The following CHKA variants were observed in gnomAD, a reference collection of about 807,000 sequenced individuals.
CHKA encodes CHETK-alpha.
CHKA carries 34 observed loss-of-function variants against 60.1 expected under a neutral mutation model. That is an observed-to-expected ratio of 0.57 (90% confidence interval 0.43 to 0.75). The LOEUF is 0.75. Among genes scored for constraint, CHKA ranks in the 30% least tolerant of loss-of-function variants. The pLI is 0.00. For synonymous variants in CHKA, 217 were observed against 223.1 expected, an observed-to-expected ratio of 0.97 and a Z score of 0.24; for missense variants, 563 against 561.3, an observed-to-expected ratio of 1.00 and a Z score of -0.03.
chr11:68,118,516 A>G (rs1463775174), intron 1 of CHKA, among the ~76,000 whole-genome samples: 1 of 152,202 alleles, frequency 6.6e-6, no homozygotes, highest in Non-Finnish European at 1.5e-5. Context: ...AATAACTGCA[A>G]CTGCCTATGG....
At chr11:68,071,227 T>C (rs77990925) in intron 4 of CHKA, among the ~76,000 whole-genome samples, 7,398 of 152,298 alleles carry the variant, frequency 0.049, 216 homozygotes, top group African/African-American at 0.082. Context: ...GTTTATCACA[T>C]GGCCCCACTT....
chr11:68,112,705 G>A (rs375584211), intron 1 of CHKA, among the ~76,000 whole-genome samples: 47 of 152,248 alleles, frequency 3.1e-4, no homozygotes, highest in East Asian at 2.9e-3. Flanking sequence ...ATTTGCAAAA[G>A]ACACATTTGA....
chr11:68,071,975 T>C (rs948911750), intron 4 of CHKA, among the ~76,000 whole-genome samples: 1 of 152,188 alleles, frequency 6.6e-6, no homozygotes, highest in Non-Finnish European at 1.5e-5. Flanking sequence ...ATTACCATGC[T>C]GCAATAAGAA....
At chr11:68,076,926 G>A (rs1174489159) in intron 3 of CHKA, among the ~76,000 whole-genome samples, 8 of 152,160 alleles carry the variant, frequency 5.3e-5, no homozygotes, top group Non-Finnish European at 8.8e-5. Flanking sequence ...ATGGTGTATG[G>A]AGAGAAGGAT....
rs1290550740 is a variant in CHKA at position 68,053,708 on chromosome 11, T to G, written c.*280A>C. 2.9e-6 allele frequency: 1 copy of G among 342,616 alleles called. No individual in the cohort carries two copies. Among genetic ancestry groups the G allele is most frequent in the Non-Finnish European group, 5.3e-6 (1 of 187,250 alleles). 21.2% of individuals were successfully genotyped at this position (342,616 alleles called of 1,614,324 possible). On this transcript the variant is annotated 3_prime_UTR_variant, in exon 12 of 12. Coordinates refer to ENST00000265689, the MANE Select transcript of CHKA (RefSeq NM_001277.3). ...GACTGGAAACCTTAGCCCCCAAATA[T>G]GAAATGCCTTCTCTAGATTAAAAGG...
intron 1 of CHKA, among the ~76,000 whole-genome samples, chr11:68,104,833 A>G (rs1227915774): frequency 1.3e-5 from 2 of 152,106 alleles, no homozygotes; most frequent in African/African-American, 2.4e-5. Flanking sequence ...GGCCGGGCAC[A>G]GTGGCTCACG....
intron 4 of CHKA, among the ~76,000 whole-genome samples, chr11:68,074,459 T>G (rs1207535991): frequency 6.6e-6 from 1 of 152,184 alleles, no homozygotes; most frequent in Non-Finnish European, 1.5e-5. Context: ...AGTCTCAGGG[T>G]ACACAGCCTC....
At chr11:68,087,447 A>T (rs188536043) in intron 2 of CHKA, among the ~76,000 whole-genome samples, 2 of 152,134 alleles carry the variant, frequency 1.3e-5, no homozygotes, top group Non-Finnish European at 2.9e-5. Context: ...ACACCACTGC[A>T]CTCCAGCCTG....
At chr11:68,065,644 T>C in intron 9 of CHKA, 142 bp downstream of exon 9, 1 of 600,352 alleles carries the variant, frequency 1.7e-6, no homozygotes, top group South Asian at 1.9e-5. Context: ...AAGGGTACAG[T>C]GAGCCATGAT....
intron 2 of CHKA, among the ~76,000 whole-genome samples, chr11:68,095,248 C>T (rs893853878): frequency 6.6e-6 from 1 of 150,942 alleles, no homozygotes; most frequent in East Asian, 1.9e-4. Flanking sequence ...ACTAAAAATA[C>T]AAAAATTAGC....
chr11:68,090,880 G>A (rs1248650940), intron 2 of CHKA, among the ~76,000 whole-genome samples: 2 of 152,178 alleles, frequency 1.3e-5, no homozygotes, highest in South Asian at 4.1e-4. Context: ...GAAGGAAGTG[G>A]CTTAACACAG....
chr11:68,110,892 G>A (rs867001580), intron 1 of CHKA, among the ~76,000 whole-genome samples: 7 of 151,636 alleles, frequency 4.6e-5, no homozygotes, highest in South Asian at 2.1e-4. Flanking sequence ...CAGCTACTCG[G>A]GAGGCTGAGG....
chr11:68,085,117 G>A (rs1284029192), intron 2 of CHKA, among the ~76,000 whole-genome samples: 1 of 152,008 alleles, frequency 6.6e-6, no homozygotes, highest in Non-Finnish European at 1.5e-5. Flanking sequence ...TTAAGTTAGA[G>A]TCATATATTC....
rs539069815 is a variant in CHKA at position 68,059,900 on chromosome 11, C to T, written c.1314+2053G>A. ...ATGAACATGCATGAGGCCAGGCTGG[C>T]AGGGAGAGTTGTAAGGCCCTATCCC... On this transcript the variant is annotated intron_variant, in intron 11 of 11. Transcript: ENST00000265689. 3.9e-5 allele frequency among the ~76,000 whole-genome samples: 6 copies of T among 152,300 alleles called. No individual in the cohort carries two copies. The South Asian group carries it at 6.2e-4, about 16-fold the overall frequency.
chr11:68,072,542 C>A (rs1321300488), intron 4 of CHKA, among the ~76,000 whole-genome samples: 2 of 121,162 alleles, frequency 1.7e-5, no homozygotes, highest in African/African-American at 3.0e-5. Flanking sequence ...TAGAGTGAGA[C>A]CCTATCTTAA....
At chr11:68,115,583 T>C (rs1271553283) in intron 1 of CHKA, among the ~76,000 whole-genome samples, 2 of 152,164 alleles carry the variant, frequency 1.3e-5, no homozygotes, top group Non-Finnish European at 2.9e-5. Flanking sequence ...CACACACTTG[T>C]AATCCCAGCT....
chr11:68,115,222 C>T (rs1334096652), intron 1 of CHKA, among the ~76,000 whole-genome samples: 2 of 152,174 alleles, frequency 1.3e-5, no homozygotes, highest in Non-Finnish European at 2.9e-5. Context: ...TCAGTAGATT[C>T]AATGTATTAA....
intron 1 of CHKA, among the ~76,000 whole-genome samples, chr11:68,109,878 G>A (rs1382180872): frequency 1.3e-5 from 2 of 152,144 alleles, no homozygotes; most frequent in Non-Finnish European, 2.9e-5. Context: ...CTTGAATCCA[G>A]GGAGTAGAGG....
At position 68,097,007 on chromosome 11, in the gene CHKA, C is replaced by A. The variant is rs745737649; in HGVS notation, c.462+12G>T. On this transcript the variant is annotated intron_variant, in intron 2 of 11. Transcript: ENST00000265689. The stretch of plus-strand genomic sequence containing the variant: ...CAGGATCCCCCCCTCCCAAAGTAGC[C>A]TACCAACTCACCATCTGCAAAATCG... 3 of 1,599,638 alleles carry A rather than the reference C, an allele frequency of 1.9e-6. No individual in the cohort carries two copies. The East Asian group carries it at 6.7e-5, about 36-fold the overall frequency.
Sources: gnomAD v4.1 joint callset for allele counts (sites outside exome capture counted in the v4.1 genomes callset) on GRCh38, gnomAD v4.1.1 for gene constraint, MANE v1.5 for transcripts, NCBI Gene and HGNC (gene_info 2026-07-23, HGNC 2026-07-21) for gene names.